The following ELFN2 variants were observed in gnomAD, a reference collection of about 807,000 sequenced individuals.
ELFN2 encodes extracellular leucine rich repeat and fibronectin type III domain containing 2.
Under a neutral mutation model 45.5 loss-of-function variants are expected in ELFN2, and 17 were observed. That is an observed-to-expected ratio of 0.37 (90% CI 0.26 to 0.56). The LOEUF (loss-of-function observed/expected upper bound fraction) is 0.56, where lower values mean the gene tolerates loss of function less well. Ranked by LOEUF, ELFN2 falls within the 20% of genes least tolerant of loss-of-function variation. The pLI is 0.77. For synonymous variants in ELFN2, 550 were observed against 551.5 expected, an observed-to-expected ratio of 1.00 and a Z score of 0.04; for missense variants, 922 against 1,183.2, an observed-to-expected ratio of 0.78 and a Z score of 3.24.
At chr22:37,416,539 G>A (rs764045914) in intron 2 of ELFN2, among the ~76,000 whole-genome samples, 13 of 152,204 alleles carry the variant, frequency 8.5e-5, no homozygotes, top group African/African-American at 1.9e-4. Flanking sequence ...CCTGGGGAGC[G>A]AGAGGGCTCA....
At chr22:37,405,214 T>G (rs1035079177) in intron 2 of ELFN2, among the ~76,000 whole-genome samples, 6 of 150,692 alleles carry the variant, frequency 4.0e-5, no homozygotes, top group Non-Finnish European at 8.9e-5. Flanking sequence ...TGCCTCAGCC[T>G]CCTGAGTAGC....
In ELFN2 at chr22:37,349,092, G is replaced by A. The variant is rs759439242; in HGVS notation, n.149-6389C>T. Among the ~76,000 whole-genome samples the A allele has an allele frequency of 1.8e-4, 27 of 151,414 alleles. 1 individual carries two copies. The Middle Eastern group carries it at 0.024, about 134-fold the overall frequency. On this transcript the variant is annotated intron_variant and non_coding_transcript_variant, in intron 1 of 2. Transcript: ENST00000452946. ...GCCACGCGCTAGCCTGGGCTGGGCC[G>A]GTTGACTCTGATGGGCAGTCCTGGG...
chr22:37,395,660 G>A (rs1346898414), intron 2 of ELFN2, among the ~76,000 whole-genome samples: 1 of 152,164 alleles, frequency 6.6e-6, no homozygotes, highest in South Asian at 2.1e-4. Flanking sequence ...TCACCCACGG[G>A]GGGCAGGGGA....
intron 2 of ELFN2, among the ~76,000 whole-genome samples, chr22:37,382,106 A>G (rs1266825411): frequency 2.0e-5 from 3 of 151,292 alleles, no homozygotes; most frequent in Non-Finnish European, 4.4e-5. Context: ...CTCCCATTTT[A>G]CAGGCAAGGA....
chr22:37,411,503 A>G (rs1932648633), intron 2 of ELFN2, among the ~76,000 whole-genome samples: 1 of 152,168 alleles, frequency 6.6e-6, no homozygotes, highest in Admixed American at 6.5e-5. Flanking sequence ...GACCTCAGAC[A>G]ATGTCCTCTG....
chr22:37,365,883 C>A (rs1931193438), downstream of ELFN2, among the ~76,000 whole-genome samples: 1 of 141,406 alleles, frequency 7.1e-6, no homozygotes, highest in Admixed American at 7.5e-5. Context: ...TTTTTGTCAT[C>A]TATATTTTGT....
Position 37,349,308 on chromosome 22 carries a change from C to T in ELFN2, n.149-6605G>A, listed in dbSNP as rs375683454. Among the ~76,000 whole-genome samples, 8 of 151,350 alleles carry T rather than the reference C, an allele frequency of 5.3e-5. No individual in the cohort carries two copies. The East Asian group carries it at 1.5e-3, about 29-fold the overall frequency. On this transcript the variant is annotated intron_variant and non_coding_transcript_variant, in intron 1 of 2. Coordinates refer to ENST00000452946, the Ensembl canonical transcript of ELFN2. ...TGGTGGCCCTGCCCTGGACTCTCCC[C>T]ACAGGGGCAGGTAGAAGAGAGGCAC...
At chr22:37,413,693 C>A (rs905730765) in intron 2 of ELFN2, among the ~76,000 whole-genome samples, 5 of 152,210 alleles carry the variant, frequency 3.3e-5, no homozygotes, top group African/African-American at 9.6e-5. Context: ...GATATTATCC[C>A]CATTTTACAG....
chr22:37,417,282 C>A lies in ELFN2; in HGVS notation c.-463+487G>T, dbSNP rs1932769710. 6.6e-6 allele frequency among the ~76,000 whole-genome samples: 1 copy of A among 152,236 alleles called. No individual in the cohort carries two copies. The highest frequency in any genetic ancestry group is 1.5e-5 in the Non-Finnish European group (1 of 68,040). ...CATAGGATCAGGCCCCATATCAATTCTGCTGGCGTTTTCCCCTGCTCCCGG... is the reference window on the plus strand; with the variant it reads ...CATAGGATCAGGCCCCATATCAATTATGCTGGCGTTTTCCCCTGCTCCCGG... On this transcript the variant is annotated intron_variant, in intron 2 of 2. Coordinates refer to ENST00000402918, the MANE Select transcript of ELFN2 (RefSeq NM_052906.5). This position sits in a 1 kb window ranked among gnomAD's most constrained non-coding sequence, Gnocchi z 4.5.
At chr22:37,355,981 G>A (rs775632687) in intron 1 of ELFN2, among the ~76,000 whole-genome samples, 1 of 152,234 alleles carries the variant, frequency 6.6e-6, no homozygotes, top group Non-Finnish European at 1.5e-5. Flanking sequence ...TCAGGGGGTT[G>A]TCTTGGGCTG....
At chr22:37,353,854 G>C (rs1053269818) in intron 1 of ELFN2, 1 of 150,880 alleles carries the variant, frequency 6.6e-6, no homozygotes, top group East Asian at 1.9e-4. Context: ...GAACTCGAAT[G>C]GTATCTAGGA....
intron 1 of ELFN2, among the ~76,000 whole-genome samples, chr22:37,361,243 C>T (rs192057999): frequency 6.6e-5 from 10 of 152,250 alleles, no homozygotes; most frequent in African/African-American, 2.4e-4. Context: ...TGCTGCTGAG[C>T]AGCAGTAAAG....
chr22:37,376,829 G>T (rs4821654), intron 2 of ELFN2, among the ~76,000 whole-genome samples: 111,131 of 152,060 alleles, frequency 0.73, 40,787 homozygotes, highest in Admixed American at 0.81. Context: ...CTTGGGAGGG[G>T]GCCAGCCTTC....
chr22:37,349,784 C>A (rs1020165555), intron 1 of ELFN2, among the ~76,000 whole-genome samples: 1 of 151,174 alleles, frequency 6.6e-6, no homozygotes, highest in Non-Finnish European at 1.5e-5. Flanking sequence ...GTTGTGCCCA[C>A]GGAAGTTAAG....
At chr22:37,363,381 A>T (rs1032611999), downstream of ELFN2, among the ~76,000 whole-genome samples, 1 of 152,142 alleles carries the variant, frequency 6.6e-6, no homozygotes, top group African/African-American at 2.4e-5. Context: ...ACCATTGCAG[A>T]TTCTGGGAGT....
At chr22:37,343,724 C>G (rs1214380400) in intron 1 of ELFN2, among the ~76,000 whole-genome samples, 1 of 149,718 alleles carries the variant, frequency 6.7e-6, no homozygotes, top group Non-Finnish European at 1.5e-5. Flanking sequence ...CCCCCCGGAC[C>G]CCAGCCTCCC....
At chr22:37,349,318 G>A (rs969743853) in intron 1 of ELFN2, among the ~76,000 whole-genome samples, 1 of 151,212 alleles carries the variant, frequency 6.6e-6, no homozygotes, top group Non-Finnish European at 1.5e-5. Context: ...CACAGGGGCA[G>A]GTAGAAGAGA....
At chr22:37,377,197 C>T (rs1403009751) in intron 2 of ELFN2, among the ~76,000 whole-genome samples, 1 of 152,218 alleles carries the variant, frequency 6.6e-6, no homozygotes, top group African/African-American at 2.4e-5. Context: ...CCTCACTTTC[C>T]AAGTGGGGAA....
At position 37,372,826 on chromosome 22, in the gene ELFN2, C is replaced by G; in HGVS notation, c.*246G>C. Reference sequence around the variant, plus strand: ...GCAGCACAGTAAAGACGACTGGTTTCGGTATCAGTTTGTAAACTTTAAGGA... The same window carrying G: ...GCAGCACAGTAAAGACGACTGGTTTGGGTATCAGTTTGTAAACTTTAAGGA... On this transcript the variant is annotated 3_prime_UTR_variant, in exon 3 of 3. Transcript: ENST00000402918. The surrounding 1 kb of genome is among the most constrained non-coding windows in gnomAD (Gnocchi z 4.4). 1 of 476,292 alleles carries G rather than the reference C, an allele frequency of 2.1e-6. No homozygotes were observed. Among genetic ancestry groups the G allele is most frequent in the Non-Finnish European group, 3.7e-6 (1 of 267,272 alleles). The allele number at this position is 476,292 out of a possible 1,614,324, so 29.5% of individuals were successfully genotyped here. A position where few individuals can be genotyped will look rare whatever the true frequency, so the allele number is the denominator to read the frequency against.
Sources: gnomAD v4.1 joint callset for allele counts (sites outside exome capture counted in the v4.1 genomes callset) on GRCh38, gnomAD v4.1.1 for gene constraint, Gnocchi (gnomAD v3.1) non-coding constraint, MANE v1.5 for transcripts, NCBI Gene and HGNC (gene_info 2026-07-23, HGNC 2026-07-21) for gene names.